Variants in PTPRT observed in about 807,000 individuals in gnomAD.
The protein encoded by PTPRT is protein tyrosine phosphatase receptor type T.
Under a neutral mutation model 176.8 loss-of-function variants are expected in PTPRT, and 56 were observed. That is an observed-to-expected ratio of 0.32 (90% CI 0.26 to 0.40). The LOEUF (loss-of-function observed/expected upper bound fraction) is 0.40, where lower values mean the gene tolerates loss of function less well. PTPRT is among the 10% of genes least tolerant of loss of function. PTPRT has a pLI of 1.00. For missense variants in PTPRT, 1,540 were observed against 1,908.2 expected, an observed-to-expected ratio of 0.81 and a Z score of 3.60; for synonymous variants, 783 against 739.0, an observed-to-expected ratio of 1.06 and a Z score of -0.96.
chr20:43,173,927 G>A (rs1157282092), intron 1 of PTPRT, among the ~76,000 whole-genome samples: 1 of 152,142 alleles, frequency 6.6e-6, no homozygotes, highest in African/African-American at 2.4e-5. Context: ...TGAATGAGAC[G>A]ACCACAGTGT....
chr20:42,169,785 CACACACAA>C (rs774575270), intron 16 of PTPRT, among the ~76,000 whole-genome samples: 1,885 of 141,836 alleles, frequency 0.013, 21 homozygotes, highest in Admixed American at 0.02. Context: ...CACACACACA[CACACACAA>C]CAGTCAGTAT....
At chr20:42,439,479 G>A (rs2059292996) in intron 9 of PTPRT, among the ~76,000 whole-genome samples, 1 of 152,172 alleles carries the variant, frequency 6.6e-6, no homozygotes, top group African/African-American at 2.4e-5. Flanking sequence ...AGGGAAAAAA[G>A]ACCAATGTTT....
At chr20:42,416,309 T>C (rs1318221228) in intron 9 of PTPRT, among the ~76,000 whole-genome samples, 1 of 152,166 alleles carries the variant, frequency 6.6e-6, no homozygotes, top group African/African-American at 2.4e-5. Context: ...CAAATTATCC[T>C]TCTGAGCCTG....
intron 6 of PTPRT, among the ~76,000 whole-genome samples, chr20:42,710,466 G>A (rs2076128016): frequency 6.6e-6 from 1 of 152,232 alleles, no homozygotes. Flanking sequence ...ATACAGCTCA[G>A]GTTGCCAGCC....
At chr20:42,206,992 C>G (rs1230319891) in intron 15 of PTPRT, among the ~76,000 whole-genome samples, 1 of 152,182 alleles carries the variant, frequency 6.6e-6, no homozygotes, top group East Asian at 1.9e-4. Flanking sequence ...CCCCTGACCC[C>G]CGAGCAGCCT....
In PTPRT at chr20:42,806,411, G is replaced by T. The variant is rs542153652; in HGVS notation, c.215-14945C>A. ...AGGCAGGAGAATCACTTGAACCCAG[G>T]AGGCGGAGGTTGCAGTGAGCCAAGA... On this transcript the variant is annotated intron_variant, in intron 2 of 30. Transcript: ENST00000373187. Among the ~76,000 whole-genome samples, 15 of 150,566 alleles carry T rather than the reference G, an allele frequency of 1.0e-4. No homozygotes were observed. The East Asian group carries it at 2.8e-3, about 28-fold the overall frequency.
At chr20:42,885,746 C>G (rs1402169802) in intron 2 of PTPRT, 61 bp downstream of exon 2, 1 of 1,560,054 alleles carries the variant, frequency 6.4e-7, no homozygotes, top group Non-Finnish European at 8.7e-7. Flanking sequence ...TTCTTCCCCC[C>G]ATGATTCACG....
At chr20:43,138,416 G>A (rs974034114) in intron 1 of PTPRT, among the ~76,000 whole-genome samples, 5 of 152,226 alleles carry the variant, frequency 3.3e-5, no homozygotes, top group African/African-American at 1.2e-4. Context: ...TGATAGACAT[G>A]AGCCATGCGA....
intron 6 of PTPRT, among the ~76,000 whole-genome samples, chr20:42,684,244 C>T (rs1414844124): frequency 6.6e-6 from 1 of 151,962 alleles, no homozygotes; most frequent in African/African-American, 2.4e-5. Flanking sequence ...ACTCGGGAGG[C>T]TGAGGCAGGA....
intron 2 of PTPRT, among the ~76,000 whole-genome samples, chr20:42,825,779 G>GA (rs2077982180): frequency 6.6e-6 from 1 of 152,104 alleles, no homozygotes; most frequent in Non-Finnish European, 1.5e-5. Context: ...TTTGGAGGAA[G>GA]AAAAATGGTT....
chr20:42,220,718 G>T (rs1600694621), intron 15 of PTPRT, among the ~76,000 whole-genome samples: 1 of 152,014 alleles, frequency 6.6e-6, no homozygotes, highest in South Asian at 2.1e-4. Flanking sequence ...AACTAAATTG[G>T]AATAAAATTC....
intron 7 of PTPRT, among the ~76,000 whole-genome samples, chr20:42,613,673 G>C (rs942932285): frequency 6.6e-6 from 1 of 152,212 alleles, no homozygotes; most frequent in African/African-American, 2.4e-5. Context: ...GAATAGGGTT[G>C]AGACTTCCCA....
chr20:42,993,116 A>T (rs1054592296), intron 1 of PTPRT, among the ~76,000 whole-genome samples: 1 of 152,044 alleles, frequency 6.6e-6, no homozygotes, highest in Admixed American at 6.6e-5. Flanking sequence ...AAGCACACGG[A>T]ACAGAAAATA....
chr20:42,102,417 C>A (rs1986031775), intron 25 of PTPRT, 120 bp from the exon 26 acceptor site: 6 of 1,073,042 alleles, frequency 5.6e-6, no homozygotes, highest in Non-Finnish European at 8.0e-6. Flanking sequence ...CGCAGCCCCA[C>A]TCTCCCTTTC....
chr20:42,367,801 G>A (rs997480987), intron 9 of PTPRT, among the ~76,000 whole-genome samples: 4 of 152,168 alleles, frequency 2.6e-5, no homozygotes, highest in Non-Finnish European at 5.9e-5. Context: ...AGGGGTGTGT[G>A]TGGGTCACAC....
chr20:42,672,570 C>G (rs912846403), intron 7 of PTPRT, among the ~76,000 whole-genome samples: 1 of 152,196 alleles, frequency 6.6e-6, no homozygotes, highest in Non-Finnish European at 1.5e-5. Context: ...CTTTGACTCC[C>G]TACTCCCAAC....
intron 1 of PTPRT, among the ~76,000 whole-genome samples, chr20:43,110,154 G>A (rs534606369): frequency 6.6e-6 from 1 of 152,272 alleles, no homozygotes; most frequent in East Asian, 1.9e-4. Flanking sequence ...ATGATGGAAG[G>A]TGAAGGGGAG....
chr20:43,136,387 T>C (rs1191586753), intron 1 of PTPRT, among the ~76,000 whole-genome samples: 1 of 152,228 alleles, frequency 6.6e-6, no homozygotes, highest in Non-Finnish European at 1.5e-5. Flanking sequence ...GCTCAATAAA[T>C]GCTTGCTAAA....
intron 1 of PTPRT, among the ~76,000 whole-genome samples, chr20:43,132,167 T>C (rs1187587024): frequency 6.6e-6 from 1 of 152,092 alleles, no homozygotes; most frequent in African/African-American, 2.4e-5. Context: ...TGCTATTCAA[T>C]GCAATTAGAT....
Sources: gnomAD v4.1 joint callset for allele counts (sites outside exome capture counted in the v4.1 genomes callset) on GRCh38, gnomAD v4.1.1 for gene constraint, MANE v1.5 for transcripts, NCBI Gene and HGNC (gene_info 2026-07-23, HGNC 2026-07-21) for gene names.